Variants in PSD3 observed in about 807,000 individuals in gnomAD.
PSD3 encodes PH and SEC7 domain-containing protein 3.
In PSD3, 49 loss-of-function variants were observed where a neutral mutation model predicts 105.5. The ratio of observed to expected loss-of-function variants is 0.46; its 90% CI spans 0.37 to 0.59. PSD3 has a LOEUF of 0.59. Ranked by LOEUF, PSD3 falls within the 20% of genes least tolerant of loss-of-function variation. The pLI is 0.00. For synonymous variants in PSD3, 557 were observed against 457.8 expected (o/e 1.22, Z -2.77); for missense variants, 1,561 against 1,263.8 (o/e 1.24, Z -3.57).
rs1817053639 is a variant in PSD3 at position 18,867,821 on chromosome 8, G to A, written c.1487C>T (p.Thr496Ile). Reference protein sequence around the residue: ...IKEGGQFLERTSGGGHQDILS... With the variant: ...IKEGGQFLERISGGGHQDILS... ...GATATCCTGATGTCCTCCCCCTGAT[G>A]TCCTCTCCAAGAACTGACCACCTTC... The change falls in exon 4 of 16, where the codon ACA (threonine) becomes ATA (isoleucine). Residue 496 changes from threonine to isoleucine, a missense_variant. Thr to Ile is a moderately conservative substitution (Grantham distance 89). Coordinates refer to ENST00000327040, the MANE Select transcript of PSD3 (RefSeq NM_015310.4). The A allele has an allele frequency of 6.2e-7, 1 of 1,613,982 alleles. No individual in the cohort carries two copies. Among genetic ancestry groups the A allele is most frequent in the Non-Finnish European group, 8.5e-7 (1 of 1,180,028 alleles).
In PSD3 at chr8:19,059,180, C is replaced by G. The variant is rs76519484; in HGVS notation, c.324+25026G>C. ...TCTAAGTCATCGGAAAGTCTCTCAT[C>G]CAAATAACACCCAGTTGTGGGTGAG... On this transcript the variant is annotated intron_variant, in intron 1 of 1. Coordinates refer to the PSD3 transcript ENST00000521475. 2.2e-3 allele frequency among the ~76,000 whole-genome samples: 341 copies of G among 152,300 alleles called. 1 individual carries two copies. The highest frequency in any genetic ancestry group is 7.9e-3 in the African/African-American group (330 of 41,570).
At chr8:19,041,604 CT>C (rs1396289234) in intron 1 of PSD3, among the ~76,000 whole-genome samples, 1 of 152,244 alleles carries the variant, frequency 6.6e-6, no homozygotes, top group Admixed American at 6.5e-5. Context: ...TGCTACATCT[CT>C]TGCACTTACC....
At chr8:18,910,098 A>G (rs1172024793) in intron 2 of PSD3, among the ~76,000 whole-genome samples, 1 of 152,186 alleles carries the variant, frequency 6.6e-6, no homozygotes, top group Non-Finnish European at 1.5e-5. Context: ...CTCCCAATGG[A>G]AAGGAACTTG....
At position 18,658,506 on chromosome 8, in the gene PSD3, A is replaced by C. The variant is rs113744263; in HGVS notation, c.2173-2821T>G. Among the ~76,000 whole-genome samples, 290 of 150,818 alleles carry C rather than the reference A, an allele frequency of 1.9e-3. 2 individuals are homozygous for C. Among genetic ancestry groups the C allele is most frequent in the African/African-American group, 6.6e-3 (269 of 40,944 alleles). On this transcript the variant is annotated intron_variant, in intron 9 of 15. Transcript: ENST00000327040. ...TTCTGCTGTTGTACATGAAAATATT[A>C]ATAGATACTATATAATTCTTTTTTT...
At chr8:18,669,305 C>T (rs1017761542) in intron 9 of PSD3, among the ~76,000 whole-genome samples, 3 of 152,174 alleles carry the variant, frequency 2.0e-5, no homozygotes, top group Non-Finnish European at 2.9e-5. Flanking sequence ...CATGAAACCA[C>T]GAATGGGACC....
At chr8:18,563,852 G>A (rs1263570600) in intron 14 of PSD3, among the ~76,000 whole-genome samples, 2 of 152,152 alleles carry the variant, frequency 1.3e-5, no homozygotes, top group Non-Finnish European at 2.9e-5. Context: ...TGTAAAGGGT[G>A]GATCAGAAGG....
chr8:18,828,061 ATATATAT>A (rs1396359181), intron 4 of PSD3, among the ~76,000 whole-genome samples: 9 of 112,676 alleles, frequency 8.0e-5, no homozygotes, highest in African/African-American at 3.4e-4. Context: ...ATATATATAT[ATATATAT>A]TTTTTTTTTT....
intron 12 of PSD3, among the ~76,000 whole-genome samples, chr8:18,579,549 C>T (rs970247717): frequency 5.3e-5 from 8 of 151,430 alleles, no homozygotes; most frequent in Non-Finnish European, 1.2e-4. Flanking sequence ...TCCCAATAAA[C>T]ACCAAGAATG....
intron 9 of PSD3, among the ~76,000 whole-genome samples, chr8:18,762,163 C>T (rs1259372986): frequency 1.3e-5 from 2 of 152,084 alleles, no homozygotes; most frequent in East Asian, 1.9e-4. Context: ...ATCAGGAGGG[C>T]GGAGCTCTCA....
chr8:19,027,014 A>AAG (rs1216460591), intron 1 of PSD3, among the ~76,000 whole-genome samples: 1 of 152,176 alleles, frequency 6.6e-6, no homozygotes, highest in Non-Finnish European at 1.5e-5. Flanking sequence ...AGTGGCTCTA[A>AAG]AGAGAGAAAT....
chr8:18,689,024 G>C (rs151159685), intron 9 of PSD3, among the ~76,000 whole-genome samples: 73 of 152,336 alleles, frequency 4.8e-4, no homozygotes, highest in African/African-American at 1.7e-3. Context: ...TTCACCTTCT[G>C]ATGCTTTCTC....
At chr8:18,958,444 T>G (rs1456097466) in intron 1 of PSD3, among the ~76,000 whole-genome samples, 2 of 152,224 alleles carry the variant, frequency 1.3e-5, no homozygotes, top group African/African-American at 4.8e-5. Context: ...GAATATCTAT[T>G]TATTTACTTT....
At chr8:19,023,691 C>A (rs1466130715) in intron 1 of PSD3, among the ~76,000 whole-genome samples, 2 of 152,174 alleles carry the variant, frequency 1.3e-5, no homozygotes, top group African/African-American at 4.8e-5. Flanking sequence ...CCAGTCTCAG[C>A]CTCCTAAAGA....
At position 18,589,064 on chromosome 8, in the gene PSD3, T is replaced by C. The variant is rs573646375; in HGVS notation, c.2481+11300A>G. On this transcript the variant is annotated intron_variant, in intron 12 of 15. Coordinates refer to ENST00000327040, the MANE Select transcript of PSD3 (RefSeq NM_015310.4). The stretch of plus-strand genomic sequence containing the variant: ...TTATGCTGGGGAAATGGCTGTGATA[T>C]GTGAAATTTAATTTCAAAGGGTTCT... Among the ~76,000 whole-genome samples the C allele has an allele frequency of 7.9e-5, 12 of 152,276 alleles. 1 individual carries two copies. In the South Asian group the frequency reaches 2.5e-3, roughly 32 times the overall value.
At chr8:18,981,440 C>T (rs1825248361) in intron 1 of PSD3, among the ~76,000 whole-genome samples, 1 of 152,168 alleles carries the variant, frequency 6.6e-6, no homozygotes, top group Non-Finnish European at 1.5e-5. Context: ...GGATAAGGTA[C>T]TCAACATCCC....
At chr8:19,029,480 G>A (rs1827681128) in intron 1 of PSD3, among the ~76,000 whole-genome samples, 1 of 152,120 alleles carries the variant, frequency 6.6e-6, no homozygotes, top group Non-Finnish European at 1.5e-5. Context: ...GAGGCCTCAG[G>A]AAACTTACAA....
chr8:18,663,321 G>C (rs529962997), intron 9 of PSD3, among the ~76,000 whole-genome samples: 1 of 152,066 alleles, frequency 6.6e-6, no homozygotes, highest in Non-Finnish European at 1.5e-5. Flanking sequence ...CAGCTACTTA[G>C]AGGCTGATGC....
intron 1 of PSD3, among the ~76,000 whole-genome samples, chr8:18,984,512 G>A (rs1309332046): frequency 6.6e-6 from 1 of 152,118 alleles, no homozygotes; most frequent in African/African-American, 2.4e-5. Context: ...AAATGGGGCA[G>A]TAATACATTT....
chr8:18,851,900 T>C (rs530931357), intron 4 of PSD3, among the ~76,000 whole-genome samples: 3 of 152,310 alleles, frequency 2.0e-5, no homozygotes, highest in South Asian at 2.1e-4. Flanking sequence ...ATTCCTTTCA[T>C]AATATCTTTG....
Sources: allele counts gnomAD v4.1 joint callset (sites outside exome capture counted in the v4.1 genomes callset), GRCh38; gene constraint gnomAD v4.1.1; transcripts MANE v1.5; gene names NCBI Gene and HGNC (gene_info 2026-07-23, HGNC 2026-07-21).